MIER3: variants seen among roughly 807,000 people sequenced by gnomAD.
The protein encoded by MIER3 is MIER family member 3, also known as mesoderm induction early response protein 3.
In MIER3, 9 loss-of-function variants were observed where a neutral mutation model predicts 63.2. The ratio of observed to expected loss-of-function variants is 0.14; its 90% CI spans 0.09 to 0.25. The LOEUF (loss-of-function observed/expected upper bound fraction) is 0.25, where lower values mean the gene tolerates loss of function less well. Ranked by LOEUF, MIER3 falls within the 10% of genes least tolerant of loss-of-function variation. The pLI, the probability that MIER3 is intolerant of heterozygous loss-of-function variation, is 1.00. For missense variants in MIER3, 512 were observed against 666.2 expected (o/e 0.77, Z 2.55); for synonymous variants, 205 against 224.9 (o/e 0.91, Z 0.79).
intron 5 of MIER3, among the ~76,000 whole-genome samples, chr5:56,936,296 G>T (rs1303382067): frequency 6.6e-6 from 1 of 152,006 alleles, no homozygotes; most frequent in Non-Finnish European, 1.5e-5. Context: ...AAACCACTGT[G>T]GTCACCTTAA....
intron 9 of MIER3, chr5:56,929,454 A>C (rs1049030924): frequency 3.9e-5 from 6 of 152,162 alleles, no homozygotes; most frequent in African/African-American, 9.7e-5. Context: ...AGTTCCGGCT[A>C]CTTGGGAAGC....
chr5:56,945,058 A>G (rs532310231), intron 3 of MIER3, among the ~76,000 whole-genome samples: 41 of 152,330 alleles, frequency 2.7e-4, no homozygotes, highest in Non-Finnish European at 4.7e-4. Flanking sequence ...AATGGTAGAA[A>G]AAGTGATATT....
At chr5:56,945,838 T>A (rs192644736) in intron 3 of MIER3, among the ~76,000 whole-genome samples, 100 of 152,298 alleles carry the variant, frequency 6.6e-4, no homozygotes, top group Non-Finnish European at 1.2e-3. Flanking sequence ...TAAAAAAGAT[T>A]AAGAGAATAC....
At chr5:56,932,591 G>A (rs1297845215) in intron 8 of MIER3, among the ~76,000 whole-genome samples, 1 of 152,138 alleles carries the variant, frequency 6.6e-6, no homozygotes, top group African/African-American at 2.4e-5. Context: ...GAAAGAAGCA[G>A]AATGATCTCA....
At chr5:56,931,586 A>G (rs967267275) in intron 8 of MIER3, among the ~76,000 whole-genome samples, 1 of 152,190 alleles carries the variant, frequency 6.6e-6, no homozygotes, top group Non-Finnish European at 1.5e-5. Context: ...GAAAAAACCC[A>G]TAATAGTTAT....
rs750599697 is a variant in MIER3 at position 56,952,080 on chromosome 5, G to A, written c.9+14C>T. On this transcript the variant is annotated intron_variant, in intron 1 of 12. Coordinates refer to ENST00000381199, the MANE Select transcript of MIER3 (RefSeq NM_001297599.2). ...GCTCCAGCCCGGCTGCTCCTGCCCG[G>A]TTTCCCTGCTCACCTCCGCCATATT... 7 of 1,301,932 alleles carry A rather than the reference G, an allele frequency of 5.4e-6. No homozygotes were observed. In the African/African-American group the frequency reaches 7.8e-5, roughly 15 times the overall value. The allele number at this position is 1,301,932 out of a possible 1,614,324, so 80.6% of individuals were successfully genotyped here. A position where few individuals can be genotyped will look rare whatever the true frequency, so the allele number is the denominator to read the frequency against.
At chr5:56,944,881 G>C (rs1031698301) in intron 3 of MIER3, among the ~76,000 whole-genome samples, 14 of 150,536 alleles carry the variant, frequency 9.3e-5, no homozygotes, top group Non-Finnish European at 1.6e-4. Context: ...TTTTTTGGTA[G>C]AAACAGGGTC....
chr5:56,947,583 A>G (rs950849058), intron 2 of MIER3, among the ~76,000 whole-genome samples: 8 of 152,182 alleles, frequency 5.3e-5, no homozygotes, highest in South Asian at 2.1e-4. Flanking sequence ...TAAAACAAAT[A>G]TAAGTTTCTG....
intron 3 of MIER3, among the ~76,000 whole-genome samples, chr5:56,940,002 G>A (rs1459734853): frequency 6.6e-6 from 1 of 152,078 alleles, no homozygotes; most frequent in Non-Finnish European, 1.5e-5. Context: ...AGTGACACAT[G>A]ACTATGTTTT....
rs988260530 is a variant in MIER3, at chr5:56,921,512, T to G, written c.*1616A>C. On this transcript the variant is annotated 3_prime_UTR_variant, in exon 13 of 13. Transcript: ENST00000381199. ...ACTAAATTTTATACTAATGTGCTAC[T>G]GCGTAAACACTTCAAAGCAATCTTC... is the stretch of plus-strand genomic sequence containing the variant. The G allele has an allele frequency of 1.3e-5, 2 of 152,644 alleles. No homozygotes were observed. Among genetic ancestry groups the G allele is most frequent in the Non-Finnish European group, 2.9e-5 (2 of 68,020 alleles). The allele number at this position is 152,644 out of a possible 1,614,324, so 9.5% of individuals were successfully genotyped here.
Position 56,930,719 on chromosome 5 carries a change from G to T in MIER3, c.774C>A (p.Asn258Lys). 6.2e-7 allele frequency: 1 copy of T among 1,613,614 alleles called. No homozygotes were observed. Among genetic ancestry groups the T allele is most frequent in the East Asian group, 2.2e-5 (1 of 44,850 alleles). Residue 258 changes from asparagine to lysine, a missense_variant, in exon 9 of 13, where the codon AAC becomes AAA. Coordinates refer to ENST00000381199, the MANE Select transcript of MIER3 (RefSeq NM_001297599.2). ...EQALYELLKCNHNIKEAIERY... is the reference protein window; with the variant it reads ...EQALYELLKCKHNIKEAIERY... The stretch of plus-strand genomic sequence containing the variant: ...TTTCGATTGCTTCCTTTATATTGTG[G>T]TTACACTTGAGAAGTTCATATAATG...
At position 56,939,031 on chromosome 5, in the gene MIER3, G is replaced by T. The variant is rs756722684; in HGVS notation, c.181-14C>A. 6.2e-7 allele frequency: 1 copy of T among 1,613,236 alleles called. No individual in the cohort carries two copies. Among genetic ancestry groups the T allele is most frequent in the African/African-American group, 1.3e-5 (1 of 75,008 alleles). ...CATGGTTCCTTCCTGTTCAAGCCAG[G>T]GCATAAACACGGACTCAGCAGATGT... is the stretch of plus-strand genomic sequence containing the variant. On this transcript the variant is annotated splice_polypyrimidine_tract_variant and intron_variant, in intron 3 of 12. Transcript: ENST00000381199.
chr5:56,938,286 T>C, intron 4 of MIER3: 1 of 471,194 alleles, frequency 2.1e-6, no homozygotes, highest in Non-Finnish European at 4.4e-6. Flanking sequence ...GTGGGAACAA[T>C]ATAACTCACA....
rs149696011 is a variant in MIER3 at position 56,946,206 on chromosome 5, GA to G, written c.180+719del. ...AAAAAGAGGTATAAGAAACTCAGGG[GA>G]TAAGTATCATTTCTGAAAGCTTTTG... On this transcript the variant is annotated intron_variant, in intron 3 of 12. Transcript: ENST00000381199. 9.8e-3 allele frequency among the ~76,000 whole-genome samples: 1,490 copies of G among 152,302 alleles called. 22 individuals are homozygous for G. Among genetic ancestry groups the G allele is most frequent in the African/African-American group, 0.034 (1,434 of 41,568 alleles).
At chr5:56,937,335 C>T (rs2112119023) in intron 5 of MIER3, among the ~76,000 whole-genome samples, 1 of 152,238 alleles carries the variant, frequency 6.6e-6, no homozygotes, top group East Asian at 1.9e-4. Context: ...CCTCGGCCTC[C>T]CAAAGTGCTG....
intron 8 of MIER3, among the ~76,000 whole-genome samples, chr5:56,932,939 A>G (rs570311321): frequency 6.6e-6 from 1 of 152,250 alleles, no homozygotes; most frequent in Admixed American, 6.5e-5. Flanking sequence ...AGACATCAAG[A>G]ATGAGGTATT....
rs555903580 is a variant in MIER3 at position 56,922,612 on chromosome 5, T to C, written c.*516A>G. ...GTTTAAAGAAACCTACCCCTGCTTT[T>C]ATTAAGAAAATAAAACCAAAAAAAT... On this transcript the variant is annotated 3_prime_UTR_variant, in exon 13 of 13. Transcript: ENST00000381199. 58 of 154,546 alleles carry C rather than the reference T, an allele frequency of 3.8e-4. No individual in the cohort carries two copies. The highest frequency in any genetic ancestry group is 6.9e-4 in the Non-Finnish European group (48 of 69,308). The allele number at this position is 154,546 out of a possible 1,614,324, so 9.6% of individuals were successfully genotyped here.
intron 1 of MIER3, among the ~76,000 whole-genome samples, chr5:56,951,297 C>A (rs915664274): frequency 6.6e-6 from 1 of 152,064 alleles, no homozygotes; most frequent in Non-Finnish European, 1.5e-5. Flanking sequence ...GCGCGCCCCC[C>A]GCCCCAGCGA....
At chr5:56,932,852 T>A (rs1561237091) in intron 8 of MIER3, among the ~76,000 whole-genome samples, 1 of 152,186 alleles carries the variant, frequency 6.6e-6, no homozygotes, top group African/African-American at 2.4e-5. Flanking sequence ...ATAAATGAAT[T>A]ACAAGTATAG....
Sources: allele counts gnomAD v4.1 joint callset (sites outside exome capture counted in the v4.1 genomes callset), GRCh38; gene constraint gnomAD v4.1.1; transcripts MANE v1.5; gene names NCBI Gene and HGNC (gene_info 2026-07-23, HGNC 2026-07-21).